SAMSN1: variants seen among roughly 807,000 people sequenced by gnomAD.
SAMSN1 encodes SAM domain-containing protein SAMSN-1.
Under a neutral mutation model 42.0 loss-of-function variants are expected in SAMSN1, and 31 were observed. The ratio of observed to expected loss-of-function variants is 0.74; its 90% CI spans 0.55 to 1.00. SAMSN1 has a LOEUF of 1.00. Among genes scored for constraint, SAMSN1 ranks in the 50% least tolerant of loss-of-function variants. The probability of loss-of-function intolerance (pLI) is 0.00; values close to 1 mark genes in which losing one functional copy is unlikely to be tolerated. For missense variants in SAMSN1, 464 were observed against 439.4 expected (o/e 1.06, Z -0.50); for synonymous variants, 178 against 151.9 (o/e 1.17, Z -1.26).
chr21:14,628,406 T>C (rs1373235284), intron 2 of SAMSN1, among the ~76,000 whole-genome samples: 1 of 152,142 alleles, frequency 6.6e-6, no homozygotes, highest in African/African-American at 2.4e-5. Context: ...ACAATTATTG[T>C]GTCAACTAAA....
chr21:14,627,142 G>T (rs534821652), intron 2 of SAMSN1, among the ~76,000 whole-genome samples: 7 of 152,192 alleles, frequency 4.6e-5, no homozygotes, highest in Admixed American at 3.9e-4. Context: ...TGGGGGTAGG[G>T]GGAAGGGATA....
At chr21:14,502,460 A>C (rs972393877) in intron 5 of SAMSN1, among the ~76,000 whole-genome samples, 1 of 152,186 alleles carries the variant, frequency 6.6e-6, no homozygotes, top group Non-Finnish European at 1.5e-5. Context: ...CCCACAGGTC[A>C]TCAAGCAAAG....
intron 1 of SAMSN1, among the ~76,000 whole-genome samples, chr21:14,526,957 GA>G (rs1163602103): frequency 2.0e-5 from 3 of 152,166 alleles, no homozygotes; most frequent in Non-Finnish European, 2.9e-5. Context: ...GTCTTCAGAT[GA>G]AATCTCATCT....
intron 2 of SAMSN1, among the ~76,000 whole-genome samples, chr21:14,565,492 A>G (rs1981089005): frequency 6.6e-6 from 1 of 152,044 alleles, no homozygotes; most frequent in African/African-American, 2.4e-5. Flanking sequence ...TAAATCTACA[A>G]TTGCCTTGCT....
At chr21:14,607,221 C>A (rs1982591656) in intron 5 of SAMSN1, among the ~76,000 whole-genome samples, 1 of 152,112 alleles carries the variant, frequency 6.6e-6, no homozygotes, top group Non-Finnish European at 1.5e-5. Context: ...ACTGCCTATC[C>A]TCAGGCACAG....
At chr21:14,526,786 G>T (rs1054367607) in intron 1 of SAMSN1, among the ~76,000 whole-genome samples, 2 of 152,180 alleles carry the variant, frequency 1.3e-5, no homozygotes, top group African/African-American at 4.8e-5. Flanking sequence ...TTGATAGAAA[G>T]AATGAAACTA....
At chr21:14,612,779 T>C (rs143290797) in intron 4 of SAMSN1, 11 of 666,414 alleles carry the variant, frequency 1.7e-5, no homozygotes, top group African/African-American at 1.6e-4. Flanking sequence ...TTGACTTTCA[T>C]TAATCAGTTT....
chr21:14,559,643 G>T (rs1326963842), intron 2 of SAMSN1, among the ~76,000 whole-genome samples: 1 of 152,056 alleles, frequency 6.6e-6, no homozygotes, highest in Non-Finnish European at 1.5e-5. Context: ...AGGACTACAG[G>T]TGTTGGCCAC....
intron 2 of SAMSN1, among the ~76,000 whole-genome samples, chr21:14,561,115 T>C (rs1442565627): frequency 6.6e-6 from 1 of 152,150 alleles, no homozygotes; most frequent in Non-Finnish European, 1.5e-5. Flanking sequence ...ATCACTATTG[T>C]AGAATCTAAG....
intron 7 of SAMSN1, among the ~76,000 whole-genome samples, chr21:14,589,253 G>A (rs927066236): frequency 6.6e-6 from 1 of 152,088 alleles, no homozygotes; most frequent in East Asian, 1.9e-4. Context: ...TATAAAAAAT[G>A]AGAAAACTCA....
chr21:14,566,545 A>AT (rs909934831), intron 2 of SAMSN1, among the ~76,000 whole-genome samples: 7 of 150,610 alleles, frequency 4.6e-5, no homozygotes, highest in South Asian at 2.1e-4. Flanking sequence ...TATATATAAA[A>AT]TTTTTTTTTT....
At chr21:14,610,343 G>A (rs1208355299) in intron 4 of SAMSN1, among the ~76,000 whole-genome samples, 3 of 152,144 alleles carry the variant, frequency 2.0e-5, no homozygotes, top group Non-Finnish European at 4.4e-5. Flanking sequence ...GTCTCCTGCA[G>A]TGCCCCCAGG....
intron 1 of SAMSN1, among the ~76,000 whole-genome samples, chr21:14,649,772 A>AACACACACACAT (rs1287085554): frequency 0.01 from 1,424 of 135,720 alleles, 19 homozygotes; most frequent in African/African-American, 0.036. Context: ...ACTGTCTCAA[A>AACACACACACAT]ACACACACAC....
At chr21:14,635,502 T>C (rs929891869) in intron 2 of SAMSN1, among the ~76,000 whole-genome samples, 2 of 152,230 alleles carry the variant, frequency 1.3e-5, no homozygotes, top group African/African-American at 4.8e-5. Context: ...TGAGGCAATT[T>C]GTGGAGATTA....
intron 5 of SAMSN1, among the ~76,000 whole-genome samples, chr21:14,603,880 G>A (rs1368966412): frequency 2.0e-5 from 3 of 152,206 alleles, no homozygotes; most frequent in African/African-American, 7.2e-5. Context: ...AGTCACCTGA[G>A]ACTTTGGGTC....
chr21:14,639,729 C>T (rs1414968753), intron 2 of SAMSN1, among the ~76,000 whole-genome samples: 3 of 141,030 alleles, frequency 2.1e-5, no homozygotes, highest in Non-Finnish European at 4.6e-5. Context: ...ATGGAGTGAT[C>T]AGTCCTTAGG....
intron 2 of SAMSN1, among the ~76,000 whole-genome samples, chr21:14,558,201 G>A (rs1302395884): frequency 6.6e-6 from 1 of 152,140 alleles, no homozygotes; most frequent in Non-Finnish European, 1.5e-5. Context: ...CGTCTCAACT[G>A]TATAGGTGTG....
chr21:14,525,510 A>G (rs1978786661), intron 1 of SAMSN1, among the ~76,000 whole-genome samples: 1 of 152,266 alleles, frequency 6.6e-6, no homozygotes, highest in Admixed American at 6.5e-5. Flanking sequence ...AGTATAATCC[A>G]TGAATCTTGT....
intron 1 of SAMSN1, among the ~76,000 whole-genome samples, chr21:14,650,252 A>G (rs1983809217): frequency 6.6e-6 from 1 of 152,184 alleles, no homozygotes. Flanking sequence ...TCTTTTCCCT[A>G]GAAAGTGGAT....
Sources: allele counts gnomAD v4.1 joint callset (sites outside exome capture counted in the v4.1 genomes callset), GRCh38; gene constraint gnomAD v4.1.1; transcripts MANE v1.5; gene names NCBI Gene and HGNC (gene_info 2026-07-23, HGNC 2026-07-21).